Variants in DYM observed in about 807,000 individuals in gnomAD.
The protein encoded by DYM is dyggve-Melchior-Clausen syndrome protein.
Under a neutral mutation model 93.1 loss-of-function variants are expected in DYM, and 78 were observed. The observed-to-expected ratio is 0.84, with a 90% CI of 0.70 to 1.01. The LOEUF is 1.01. DYM is among the 50% of genes least tolerant of loss of function. The pLI, the probability that DYM is intolerant of heterozygous loss-of-function variation, is 0.00. For synonymous variants in DYM, 321 were observed against 319.7 expected, an observed-to-expected ratio of 1.00 and a Z score of -0.04; for missense variants, 789 against 845.0, an observed-to-expected ratio of 0.93 and a Z score of 0.82.
In DYM at chr18:49,108,882, C is replaced by T. The variant is rs373928896; in HGVS notation, c.1911+9862G>A. Among the ~76,000 whole-genome samples, 31 of 152,224 alleles carry T rather than the reference C, an allele frequency of 2.0e-4. No homozygotes were observed. In the South Asian group the frequency reaches 4.1e-3, roughly 20 times the overall value. On this transcript the variant is annotated intron_variant, in intron 16 of 17. Coordinates refer to ENST00000675505, the MANE Select transcript of DYM (RefSeq NM_001353214.3). ...CTATCAGTTTTTATTTCATGCATTT[C>T]GAAGCTCTGTTGTATACACATTTAT...
At position 49,037,435 on chromosome 18, in the gene DYM, G is replaced by A. The variant is rs2070746557; in HGVS notation, c.*6620C>T. Reference sequence around the variant, plus strand: ...GGGACTCCAAAACGAGGGAGGAAGGGAAGGAGAGAGGGAAGCAAGTGCTGA... The same window carrying A: ...GGGACTCCAAAACGAGGGAGGAAGGAAAGGAGAGAGGGAAGCAAGTGCTGA... On this transcript the variant is annotated 3_prime_UTR_variant, in exon 18 of 18. Transcript: ENST00000675505. Among the ~76,000 whole-genome samples, 1 of 152,132 alleles carries A rather than the reference G, an allele frequency of 6.6e-6. No individual in the cohort carries two copies.
chr18:49,458,851 A>G (rs1292659630), intron 1 of DYM, among the ~76,000 whole-genome samples: 1 of 152,156 alleles, frequency 6.6e-6, no homozygotes, highest in Non-Finnish European at 1.5e-5. Context: ...ACCACCACCA[A>G]CAAAAAAAAG....
chr18:49,275,241 T>C (rs113362460), intron 10 of DYM, among the ~76,000 whole-genome samples: 1,641 of 152,294 alleles, frequency 0.011, 28 homozygotes, highest in African/African-American at 0.038. Flanking sequence ...TCTTTCCACA[T>C]TGGTCTTGGC....
chr18:49,357,547 A>T (rs2065667361), intron 6 of DYM, among the ~76,000 whole-genome samples: 1 of 152,220 alleles, frequency 6.6e-6, no homozygotes, highest in Admixed American at 6.5e-5. Flanking sequence ...GCCAACTACA[A>T]ATGAGCCATT....
intron 10 of DYM, among the ~76,000 whole-genome samples, chr18:49,277,348 C>T (rs1000338480): frequency 6.6e-6 from 1 of 152,032 alleles, no homozygotes; most frequent in African/African-American, 2.4e-5. Context: ...TGCAGCAGGA[C>T]ACATTTAAGG....
At chr18:49,386,267 G>A (rs1781911622) in intron 3 of DYM, among the ~76,000 whole-genome samples, 2 of 151,936 alleles carry the variant, frequency 1.3e-5, no homozygotes, top group Admixed American at 1.3e-4. Context: ...AGTGCTGAAA[G>A]AGAAAAAAAA....
chr18:49,140,139 A>G (rs2084311924), intron 15 of DYM, among the ~76,000 whole-genome samples: 1 of 152,172 alleles, frequency 6.6e-6, no homozygotes, highest in Admixed American at 6.5e-5. Context: ...ACATAATAGT[A>G]AAAAGGCTAG....
intron 8 of DYM, among the ~76,000 whole-genome samples, chr18:49,324,821 T>C (rs2062770455): frequency 6.6e-6 from 1 of 152,210 alleles, no homozygotes; most frequent in Non-Finnish European, 1.5e-5. Context: ...TGGGAATAGA[T>C]GTTGTATAAT....
chr18:49,390,532 G>C (rs2069111414), intron 3 of DYM, among the ~76,000 whole-genome samples: 2 of 151,720 alleles, frequency 1.3e-5, no homozygotes, highest in South Asian at 4.2e-4. Context: ...TTTTGAGACA[G>C]AGTCTCGCTC....
At chr18:49,238,056 G>A (rs1483664074) in intron 13 of DYM, among the ~76,000 whole-genome samples, 2 of 152,078 alleles carry the variant, frequency 1.3e-5, no homozygotes, top group Non-Finnish European at 2.9e-5. Context: ...ACAAATGCAC[G>A]TAGGATTGCT....
rs369825017 is a variant in DYM, at chr18:49,370,043, G to A, written c.422-6810C>T. ...TATAATCCCAGTACTTTGGGAGGCC[G>A]AGATGGGCGGACCACTTGAGGTCGG... On this transcript the variant is annotated intron_variant, in intron 5 of 17. Transcript: ENST00000675505. 1.7e-4 allele frequency among the ~76,000 whole-genome samples: 26 copies of A among 152,266 alleles called. No homozygotes were observed. In the South Asian group the frequency reaches 4.1e-3, roughly 24 times the overall value.
intron 8 of DYM, among the ~76,000 whole-genome samples, chr18:49,299,700 A>T (rs1372362934): frequency 6.6e-6 from 1 of 152,162 alleles, no homozygotes; most frequent in Non-Finnish European, 1.5e-5. Context: ...AACAATGAGA[A>T]TTATTTAAAT....
At chr18:49,188,113 C>G (rs1461465592) in intron 14 of DYM, among the ~76,000 whole-genome samples, 1 of 152,180 alleles carries the variant, frequency 6.6e-6, no homozygotes, top group Non-Finnish European at 1.5e-5. Context: ...TATCCCAGAG[C>G]TGAGTTAACT....
At position 49,097,464 on chromosome 18, in the gene DYM, C is replaced by T. The variant is rs750780184; in HGVS notation, c.1963G>A (p.Val655Met). 6.2e-7 allele frequency: 1 copy of T among 1,614,054 alleles called. No individual in the cohort carries two copies. The highest frequency in any genetic ancestry group is 8.5e-7 in the Non-Finnish European group (1 of 1,179,948). Residue 655 changes from valine to methionine, a missense_variant, in exon 17 of 18, where the codon GTG becomes ATG. Physicochemically the swap from Val to Met is conservative, Grantham distance 21. Coordinates refer to ENST00000675505, the MANE Select transcript of DYM (RefSeq NM_001353214.3). ...TTAATGATTTCCAGGACCCGTTCCA[C>T]TGACAGCTCAGCTCCAGCTTGCAGC... ...RLLQAGAELS[V>M]ERVLEIIKQG...
chr18:49,314,325 T>A (rs1313143681), intron 8 of DYM, among the ~76,000 whole-genome samples: 2 of 152,216 alleles, frequency 1.3e-5, no homozygotes, highest in Non-Finnish European at 2.9e-5. Flanking sequence ...TGTAGGTCCT[T>A]CAGCTGTGTA....
chr18:49,321,360 T>A (rs2062469001), intron 8 of DYM: 2 of 398,102 alleles, frequency 5.0e-6, no homozygotes, highest in South Asian at 2.5e-4. Flanking sequence ...AAAGAGGCCA[T>A]CAGTCTTCCC....
chr18:49,452,066 T>C (rs1273985702), intron 1 of DYM, among the ~76,000 whole-genome samples: 2 of 152,232 alleles, frequency 1.3e-5, no homozygotes, highest in East Asian at 1.9e-4. Flanking sequence ...CTGGAATTGG[T>C]GGATTCTTGG....
chr18:49,129,213 C>T (rs9957249), intron 15 of DYM, among the ~76,000 whole-genome samples: 150 of 152,046 alleles, frequency 9.9e-4, no homozygotes, highest in African/African-American at 3.4e-3. Flanking sequence ...GGACAGGGCA[C>T]GTCACTTTCA....
intron 14 of DYM, among the ~76,000 whole-genome samples, chr18:49,176,024 A>T (rs2089330110): frequency 6.6e-6 from 1 of 152,144 alleles, no homozygotes; most frequent in Admixed American, 6.5e-5. Context: ...CATAATCAAA[A>T]ATTATATGTA....
Sources: gnomAD v4.1 joint callset for allele counts (sites outside exome capture counted in the v4.1 genomes callset) on GRCh38, gnomAD v4.1.1 for gene constraint, MANE v1.5 for transcripts, NCBI Gene and HGNC (gene_info 2026-07-23, HGNC 2026-07-21) for gene names.